The following DNPEP variants were observed in gnomAD, a reference collection of about 807,000 sequenced individuals.
DNPEP encodes the protein aspartyl aminopeptidase.
In DNPEP, 46 loss-of-function variants were observed where a neutral mutation model predicts 59.1. The observed-to-expected ratio is 0.78, with a 90% CI of 0.61 to 0.99. DNPEP has a LOEUF of 0.99. Among genes scored for constraint, DNPEP ranks in the 50% least tolerant of loss-of-function variants. The probability of loss-of-function intolerance (pLI) is 0.00; values close to 1 mark genes in which losing one functional copy is unlikely to be tolerated. For missense variants in DNPEP, 617 were observed against 649.9 expected (o/e 0.95, Z 0.55); for synonymous variants, 229 against 242.2 (o/e 0.95, Z 0.50).
rs1398903664 is a variant in DNPEP, at chr2:219,374,887, TGG to T, written c.1373_1374del (p.Thr458AsnfsTer15). 6.2e-7 allele frequency: 1 copy of T among 1,614,056 alleles called. No individual in the cohort carries two copies. The highest frequency in any genetic ancestry group is 8.5e-7 in the Non-Finnish European group (1 of 1,180,042). ...AMHSIREMAC[T>X]TGVLQTLTLF... ...AGGGTGAGGGTCTGGAGGACTCCTG[TGG>T]TGCAGGCCATCTCCCGGATAGAGTG... On this transcript the variant is annotated frameshift_variant, in exon 14 of 15. Coordinates refer to ENST00000273075, the MANE Select transcript of DNPEP (RefSeq NM_012100.4). LOFTEE classifies it high-confidence loss of function.
chr2:219,377,639 T>C (rs908044496), intron 13 of DNPEP, among the ~76,000 whole-genome samples: 1 of 152,114 alleles, frequency 6.6e-6, no homozygotes, highest in African/African-American at 2.4e-5. Flanking sequence ...TTTCCTGAAA[T>C]GGGGTTGGGA....
rs542634187 is a variant in DNPEP, at chr2:219,399,573, G to A, written c.-158+367C>T. Reference sequence around the variant, plus strand: ...TAAATTATCAAAAAACACTTGTGCCGATGGGTGGGCTGCCCTTGAACTCAG... The same window carrying A: ...TAAATTATCAAAAAACACTTGTGCCAATGGGTGGGCTGCCCTTGAACTCAG... On this transcript the variant is annotated intron_variant, in intron 1 of 6. Coordinates refer to the DNPEP transcript ENST00000434339. 9 of 608,922 alleles carry A rather than the reference G, an allele frequency of 1.5e-5. No homozygotes were observed. The East Asian group carries it at 2.1e-4, about 14-fold the overall frequency. The allele number at this position is 608,922 out of a possible 1,614,324, so 37.7% of individuals were successfully genotyped here.
chr2:219,386,573 G>A (rs1317446898), intron 4 of DNPEP, 92 bp downstream of exon 4: 12 of 1,443,854 alleles, frequency 8.3e-6, no homozygotes, highest in South Asian at 3.7e-5. Flanking sequence ...TACTCCAGGG[G>A]ATAGAGGCCC....
In DNPEP at chr2:219,381,344, G is replaced by A. The variant is rs770956855; in HGVS notation, c.1230C>T (p.Val410=). The A allele has an allele frequency of 6.2e-7, 1 of 1,613,888 alleles. No individual in the cohort carries two copies. Among genetic ancestry groups the A allele is most frequent in the African/African-American group, 1.3e-5 (1 of 75,042 alleles). ...CAGGGCCCACCCTCACCTGCAGGGG[G>A]ACCTTGACTTTGTTGGCCACCTCTC... The part of the protein sequence containing the change: ...LIREVANKVK[V]PLQDLMVRND... The change falls in exon 13 of 15, where the codon GTC becomes GTT. Residue 410 remains valine (V), a synonymous_variant. Coordinates refer to ENST00000273075, the MANE Select transcript of DNPEP (RefSeq NM_012100.4).
chr2:219,381,254 C>G (rs1953583081), intron 13 of DNPEP, 81 bp downstream of exon 13: 1 of 1,259,906 alleles, frequency 7.9e-7, no homozygotes, highest in African/African-American at 1.5e-5. Context: ...CTACCAGGTT[C>G]CCTGTTCATG....
chr2:219,383,365 C>T (rs1953679726), intron 9 of DNPEP, 151 bp from the exon 10 acceptor site: 3 of 660,636 alleles, frequency 4.5e-6, no homozygotes, highest in South Asian at 1.8e-5. Context: ...TGACTTTTAT[C>T]AATTAGGGCA....
In DNPEP at chr2:219,372,634, T is replaced by C. The variant is rs766071683; in HGVS notation, c.*1658A>G. Among the ~76,000 whole-genome samples, 25 of 152,200 alleles carry C rather than the reference T, an allele frequency of 1.6e-4. No individual in the cohort carries two copies. The highest frequency in any genetic ancestry group is 3.4e-4 in the Non-Finnish European group (23 of 68,026). ...TGCCCACCTCGGCCTCCCAAAGTGC[T>C]GGGATTACAGGCATAAGCCACCGTG... is the stretch of plus-strand genomic sequence containing the variant. On this transcript the variant is annotated 3_prime_UTR_variant, in exon 15 of 15. Coordinates refer to ENST00000273075, the MANE Select transcript of DNPEP (RefSeq NM_012100.4).
chr2:219,381,617 A>C, intron 11 of DNPEP, 33 bp from the exon 12 acceptor site: 1 of 1,612,602 alleles, frequency 6.2e-7, no homozygotes, highest in Non-Finnish European at 8.5e-7. Context: ...AGACATAGCA[A>C]ACAGGAGCAG....
At position 219,387,113 on chromosome 2, in the gene DNPEP, C is replaced by A. The variant is rs1162991783; in HGVS notation, c.87G>T (p.Lys29Asn). The change falls in exon 2 of 15, where the codon AAG becomes AAT. Residue 29 changes from lysine (K) to asparagine (N), a missense_variant. Coordinates refer to ENST00000273075, the MANE Select transcript of DNPEP (RefSeq NM_012100.4). ...ARKEAVQTAA[K>N]ELLKFVNRSP... ...TCCGGTTCACGAACTTGAGGAGTTC[C>A]TTAGCCGCAGTCTGCACCGCCTCTT... 1 of 1,581,364 alleles carries A rather than the reference C, an allele frequency of 6.3e-7. No homozygotes were observed. The highest frequency in any genetic ancestry group is 1.8e-5 in the Admixed American group (1 of 54,870).
At chr2:219,382,738 A>G (rs551342793) in intron 10 of DNPEP, among the ~76,000 whole-genome samples, 6 of 152,196 alleles carry the variant, frequency 3.9e-5, no homozygotes, top group Non-Finnish European at 8.8e-5. Flanking sequence ...GACCCCTCCT[A>G]AACTGCTAAC....
intron 1 of DNPEP, chr2:219,387,505 C>T: frequency 1.4e-6 from 2 of 1,438,502 alleles, no homozygotes; most frequent in Non-Finnish European, 1.8e-6. Flanking sequence ...GCCTGCATCA[C>T]GTGCGCGTAC....
Position 219,386,527 on chromosome 2 carries a change from T to C in DNPEP, c.334-116A>G, listed in dbSNP as rs1029796891. ...TTAGTGTCACATGAAAGGCTCAAGG[T>C]GTGAAGGAAGGGGCCAACAAGTTTA... On this transcript the variant is annotated intron_variant, in intron 4 of 14. Coordinates refer to ENST00000273075, the MANE Select transcript of DNPEP (RefSeq NM_012100.4). 4 of 1,513,060 alleles carry C rather than the reference T, an allele frequency of 2.6e-6. No homozygotes were observed. In the African/African-American group the frequency reaches 4.1e-5, roughly 16 times the overall value. 93.7% of individuals were successfully genotyped at this position (1,513,060 alleles called of 1,614,324 possible).
Position 219,386,230 on chromosome 2 carries a change from G to A in DNPEP, c.459+56C>T, listed in dbSNP as rs1392008907. 7 of 1,612,932 alleles carry A rather than the reference G, an allele frequency of 4.3e-6. No individual in the cohort carries two copies. In the East Asian group the frequency reaches 1.3e-4, roughly 31 times the overall value. On this transcript the variant is annotated intron_variant, in intron 5 of 14. Coordinates refer to ENST00000273075, the MANE Select transcript of DNPEP (RefSeq NM_012100.4). ...CCCTCTTCCCCACGGGTACCCTGAG[G>A]AGTGTGGCAGTCAGTCTTCTGAGGA...
At chr2:219,387,463 G>A (rs1170001962) in intron 1 of DNPEP, 21 of 1,431,220 alleles carry the variant, frequency 1.5e-5, no homozygotes, top group Non-Finnish European at 1.9e-5. Context: ...CCCAAACTCC[G>A]GGATCCCAAG....
Position 219,385,448 on chromosome 2 carries a change from G to A in DNPEP, c.750C>T (p.Leu250=). 1 of 1,611,032 alleles carries A rather than the reference G, an allele frequency of 6.2e-7. No homozygotes were observed. The highest frequency in any genetic ancestry group is 8.5e-7 in the Non-Finnish European group (1 of 1,177,422). ...CCGCAGGCTGGGTGTCTGCAAGGCA[G>A]AGCTCCATCTCCACTATGTCCTTGG... ...LSPKDIVEME[L]CLADTQPAVL... The change falls in exon 8 of 15, where the codon CTC becomes CTT. Residue 250 remains leucine (L), a synonymous_variant. Transcript: ENST00000273075.
At chr2:219,396,250 G>T (rs888905210) in intron 1 of DNPEP, among the ~76,000 whole-genome samples, 8 of 152,058 alleles carry the variant, frequency 5.3e-5, no homozygotes, top group Non-Finnish European at 1.2e-4. Flanking sequence ...ATAAAGTTAG[G>T]GTTGCCAAAT....
Position 219,399,989 on chromosome 2 carries a change from C to T in DNPEP, c.-207G>A, listed in dbSNP as rs139076837. The T allele has an allele frequency of 2.8e-4, 370 of 1,343,886 alleles. 1 individual carries two copies. The African/African-American group carries it at 3.7e-3, about 13-fold the overall frequency. The allele number at this position is 1,343,886 out of a possible 1,614,324, so 83.2% of individuals were successfully genotyped here. A position where few individuals can be genotyped will look rare whatever the true frequency, so the allele number is the denominator to read the frequency against. Reference sequence around the variant, plus strand: ...GGCCTGAACCGTGTGCCTTTTTTGCCGGATCCTTCCCCTGCCTTGGGCCCC... The same window carrying T: ...GGCCTGAACCGTGTGCCTTTTTTGCTGGATCCTTCCCCTGCCTTGGGCCCC... On this transcript the variant is annotated 5_prime_UTR_variant, in exon 1 of 7. Coordinates refer to the DNPEP transcript ENST00000434339.
chr2:219,384,908 G>T, intron 8 of DNPEP: 1 of 168,460 alleles, frequency 5.9e-6, no homozygotes, highest in South Asian at 1.4e-4. Flanking sequence ...GGAACAAAAG[G>T]GTGGAGGCCA....
At chr2:219,387,220 C>A in intron 1 of DNPEP, 57 bp from the exon 2 acceptor site, 1 of 1,537,208 alleles carries the variant, frequency 6.5e-7, no homozygotes, top group South Asian at 1.2e-5. Flanking sequence ...ACCTTTCACC[C>A]AGGTTCCGAG....
Sources: gnomAD v4.1 joint callset for allele counts (sites outside exome capture counted in the v4.1 genomes callset) on GRCh38, gnomAD v4.1.1 for gene constraint, MANE v1.5 for transcripts, NCBI Gene and HGNC (gene_info 2026-07-23, HGNC 2026-07-21) for gene names.